Variants in CDKAL1 observed in about 807,000 individuals in gnomAD.
CDKAL1 encodes threonylcarbamoyladenosine tRNA methylthiotransferase.
A neutral mutation model predicts 68.2 loss-of-function variants in CDKAL1; 32 were observed. The ratio of observed to expected loss-of-function variants is 0.47; its 90% CI spans 0.35 to 0.63. The LOEUF is 0.63. CDKAL1 is among the 30% of genes least tolerant of loss of function. The pLI is 0.00. For synonymous variants in CDKAL1, 234 were observed against 244.3 expected, an observed-to-expected ratio of 0.96 and a Z score of 0.39; for missense variants, 606 against 696.7, an observed-to-expected ratio of 0.87 and a Z score of 1.47.
At chr6:20,604,144 A>G (rs1395725795) in intron 4 of CDKAL1, among the ~76,000 whole-genome samples, 2 of 152,204 alleles carry the variant, frequency 1.3e-5, no homozygotes, top group Non-Finnish European at 2.9e-5. Context: ...TGAGCTGGAC[A>G]GAACAACGTG....
intron 11 of CDKAL1, among the ~76,000 whole-genome samples, chr6:21,004,356 C>T (rs904660579): frequency 1.3e-5 from 2 of 152,214 alleles, no homozygotes; most frequent in Non-Finnish European, 2.9e-5. Context: ...ATCATCACAA[C>T]AGCAGCTGGA....
chr6:21,122,317 A>G (rs1345048428), intron 13 of CDKAL1, among the ~76,000 whole-genome samples: 2 of 152,236 alleles, frequency 1.3e-5, no homozygotes, highest in Non-Finnish European at 2.9e-5. Context: ...AAAGAAATAA[A>G]GCCTTCTTTT....
At chr6:21,079,103 CAG>C (rs1223761584) in intron 12 of CDKAL1, among the ~76,000 whole-genome samples, 1 of 152,040 alleles carries the variant, frequency 6.6e-6, no homozygotes, top group Non-Finnish European at 1.5e-5. Flanking sequence ...ACAAATAAAA[CAG>C]GGAACATTAA....
rs143265852 is a variant in CDKAL1 at position 20,997,710 on chromosome 6, C to T, written c.910-2517C>T. On this transcript the variant is annotated intron_variant, in intron 10 of 15. Coordinates refer to ENST00000274695, the MANE Select transcript of CDKAL1 (RefSeq NM_017774.3). Reference sequence around the variant, plus strand: ...AGAAACTGCACCACCCTCTCTGGCCCGGGGTCATGTTTGCTGGTAAACCCC... The same window carrying T: ...AGAAACTGCACCACCCTCTCTGGCCTGGGGTCATGTTTGCTGGTAAACCCC... 5.0e-3 allele frequency among the ~76,000 whole-genome samples: 766 copies of T among 152,126 alleles called. 10 individuals carry two copies. The highest frequency in any genetic ancestry group is 0.018 in the African/African-American group (729 of 41,504).
chr6:21,201,202 A>G lies in CDKAL1; in HGVS notation c.1476A>G (p.Val492=), dbSNP rs780345832. ...SGKHFMKGQP[V]SDAKVYTPSI... ...AACATTTTATGAAAGGGCAGCCAGT[A>G]TCTGATGCCAAAGTGTACACGCCCT... The change falls in exon 15 of 16, where the codon GTA becomes GTG. Residue 492 remains valine (V), a synonymous_variant. Transcript: ENST00000274695. 6 of 1,614,076 alleles carry G rather than the reference A, an allele frequency of 3.7e-6. No homozygotes were observed. Among genetic ancestry groups the G allele is most frequent in the Non-Finnish European group, 4.2e-6 (5 of 1,179,920 alleles).
At chr6:20,782,591 CA>C (rs1775479019) in intron 8 of CDKAL1, among the ~76,000 whole-genome samples, 1 of 152,132 alleles carries the variant, frequency 6.6e-6, no homozygotes, top group Admixed American at 6.5e-5. Flanking sequence ...CTCTTTTTCT[CA>C]GTTGCCTTGT....
chr6:21,198,167 GCAAAGGGCA>G, intron 14 of CDKAL1, 63 bp downstream of exon 14: 1 of 1,139,534 alleles, frequency 8.8e-7, no homozygotes, highest in Admixed American at 2.0e-5. Flanking sequence ...GAAAGTTTAA[GCAAAGGGCA>G]TTTAAAGGGG....
chr6:20,769,161 A>G (rs1774827142), intron 7 of CDKAL1, among the ~76,000 whole-genome samples: 1 of 152,084 alleles, frequency 6.6e-6, no homozygotes, highest in Non-Finnish European at 1.5e-5. Flanking sequence ...ACACCCGGGA[A>G]AGTACATCAC....
chr6:20,592,226 C>T (rs1765621772), intron 4 of CDKAL1, among the ~76,000 whole-genome samples: 2 of 152,096 alleles, frequency 1.3e-5, no homozygotes, highest in Admixed American at 6.6e-5. Context: ...GATTTTGTAT[C>T]CTGAGACTTT....
intron 12 of CDKAL1, among the ~76,000 whole-genome samples, chr6:21,102,693 AT>A (rs1773641493): frequency 6.6e-6 from 1 of 152,064 alleles, no homozygotes; most frequent in Non-Finnish European, 1.5e-5. Context: ...CCTAGCGTGT[AT>A]TACCTGGAAT....
intron 4 of CDKAL1, among the ~76,000 whole-genome samples, chr6:20,589,111 C>T (rs9465822): frequency 0.02 from 3,003 of 152,246 alleles, 91 homozygotes; most frequent in African/African-American, 0.067. Flanking sequence ...TGAACATCTG[C>T]AGCCACACAG....
chr6:21,180,114 T>C (rs1169962882), intron 13 of CDKAL1, among the ~76,000 whole-genome samples: 1 of 152,218 alleles, frequency 6.6e-6, no homozygotes, highest in African/African-American at 2.4e-5. Flanking sequence ...TCCTGATCTG[T>C]TGAATGAGAA....
intron 9 of CDKAL1, among the ~76,000 whole-genome samples, chr6:20,873,122 A>T (rs748643638): frequency 2.0e-5 from 3 of 152,180 alleles, no homozygotes; most frequent in African/African-American, 7.2e-5. Flanking sequence ...AAATTTTGAG[A>T]GTCAAAAATT....
chr6:20,747,284 T>C (rs537090272), intron 6 of CDKAL1, among the ~76,000 whole-genome samples: 1 of 152,358 alleles, frequency 6.6e-6, no homozygotes, highest in South Asian at 2.1e-4. Flanking sequence ...TTATTGTGTA[T>C]AATGCTGCAT....
intron 5 of CDKAL1, among the ~76,000 whole-genome samples, chr6:20,730,482 G>T (rs1332282471): frequency 3.5e-5 from 5 of 144,110 alleles, no homozygotes; most frequent in Non-Finnish European, 7.6e-5. Context: ...AAGGAAGGAA[G>T]GAAAGAAAAA....
At chr6:21,182,794 C>T (rs1314879143) in intron 13 of CDKAL1, among the ~76,000 whole-genome samples, 40 of 152,170 alleles carry the variant, frequency 2.6e-4, no homozygotes, top group Admixed American at 2.6e-3. Flanking sequence ...ATCTTTCACC[C>T]TGGTCCCACT....
rs1462803103 is a variant in CDKAL1 at position 21,052,536 on chromosome 6, TG to T, written c.1056-12511del. ...GCTAATTTAAATTTTTTTAATTGGT[TG>T]TTTTTTTTTTTTTTTTGTAAAGACA... is the stretch of plus-strand genomic sequence containing the variant. On this transcript the variant is annotated intron_variant, in intron 11 of 15. Transcript: ENST00000274695. Among the ~76,000 whole-genome samples, 1,271 of 138,056 alleles carry T rather than the reference TG, an allele frequency of 9.2e-3. 22 individuals are homozygous for T. The highest frequency in any genetic ancestry group is 0.032 in the African/African-American group (1,198 of 37,722). The allele number at this position is 138,056 out of a possible 152,430, so 90.6% of individuals were successfully genotyped here.
chr6:21,140,620 C>G (rs969551005), intron 13 of CDKAL1, among the ~76,000 whole-genome samples: 12 of 152,136 alleles, frequency 7.9e-5, no homozygotes, highest in Non-Finnish European at 1.8e-4. Context: ...GCTAGTGGTG[C>G]TACTGGCATT....
At chr6:20,879,697 T>C (rs915673956) in intron 9 of CDKAL1, among the ~76,000 whole-genome samples, 2 of 152,226 alleles carry the variant, frequency 1.3e-5, no homozygotes, top group African/African-American at 4.8e-5. Flanking sequence ...TGCTCTCCTC[T>C]GACTTTTCTG....
Sources: allele counts gnomAD v4.1 joint callset (sites outside exome capture counted in the v4.1 genomes callset), GRCh38; gene constraint gnomAD v4.1.1; transcripts MANE v1.5; gene names NCBI Gene and HGNC (gene_info 2026-07-23, HGNC 2026-07-21).